ASCC3: variants seen among roughly 807,000 people sequenced by gnomAD.
The protein encoded by ASCC3 is activating signal cointegrator 1 complex subunit 3.
Under a neutral mutation model 256.3 loss-of-function variants are expected in ASCC3, and 158 were observed. The observed-to-expected ratio is 0.62, with a 90% confidence interval of 0.54 to 0.70. The LOEUF is 0.70. ASCC3 is among the 30% of genes least tolerant of loss of function. ASCC3 has a pLI of 0.00. For missense variants in ASCC3, 2,259 were observed against 2,626.0 expected, an observed-to-expected ratio of 0.86 and a Z score of 3.05; for synonymous variants, 948 against 883.4, an observed-to-expected ratio of 1.07 and a Z score of -1.30.
chr6:100,649,034 A>G (rs1775529008), intron 20 of ASCC3, among the ~76,000 whole-genome samples: 1 of 151,840 alleles, frequency 6.6e-6, no homozygotes, highest in Non-Finnish European at 1.5e-5. Flanking sequence ...CAGAGTTGAG[A>G]GAGTAGTTGT....
chr6:100,587,548 C>T (rs1771763936), intron 36 of ASCC3, among the ~76,000 whole-genome samples: 1 of 152,154 alleles, frequency 6.6e-6, no homozygotes, highest in African/African-American at 2.4e-5. Context: ...ATAATACAGA[C>T]TGAGACAATA....
In ASCC3 at chr6:100,639,644, C is replaced by T. The variant is rs1318770314; in HGVS notation, c.3902-823G>A. Among the ~76,000 whole-genome samples, 5 of 152,256 alleles carry T rather than the reference C, an allele frequency of 3.3e-5. No homozygotes were observed. The East Asian group carries it at 9.6e-4, about 29-fold the overall frequency. On this transcript the variant is annotated intron_variant, in intron 24 of 41. Transcript: ENST00000369162. The stretch of plus-strand genomic sequence containing the variant: ...TACCTTGAGTTAGATGTTCATGGTA[C>T]TGTTTCAAAATGAAAGTATGGCAAA...
chr6:100,598,813 C>A (rs986307048), intron 34 of ASCC3, among the ~76,000 whole-genome samples: 8 of 152,124 alleles, frequency 5.3e-5, no homozygotes, highest in Non-Finnish European at 1.0e-4. Context: ...CTAGTTCCCA[C>A]CCCCTATATA....
chr6:100,650,853 C>A, intron 19 of ASCC3, 139 bp from the exon 20 acceptor site: 1 of 719,104 alleles, frequency 1.4e-6, no homozygotes, highest in Non-Finnish European at 2.3e-6. Context: ...AGTTAAATAA[C>A]AATGATTTTT....
At chr6:100,796,464 C>A (rs954721452) in intron 8 of ASCC3, among the ~76,000 whole-genome samples, 1 of 152,242 alleles carries the variant, frequency 6.6e-6, no homozygotes, top group East Asian at 1.9e-4. Flanking sequence ...GAAGCCCTTA[C>A]CCCTCAATGT....
At chr6:100,557,669 T>C (rs1452239967) in intron 36 of ASCC3, among the ~76,000 whole-genome samples, 2 of 131,318 alleles carry the variant, frequency 1.5e-5, no homozygotes, top group Non-Finnish European at 3.1e-5. Flanking sequence ...AAATATAAAA[T>C]GTGCCCCTTC....
intron 14 of ASCC3, among the ~76,000 whole-genome samples, chr6:100,673,748 T>A (rs935647468): frequency 1.3e-5 from 2 of 152,170 alleles, no homozygotes; most frequent in African/African-American, 2.4e-5. Context: ...TCACACAACT[T>A]GACTCTTCAA....
At chr6:100,729,920 C>T (rs570545373) in intron 10 of ASCC3, among the ~76,000 whole-genome samples, 1 of 152,116 alleles carries the variant, frequency 6.6e-6, no homozygotes, top group Admixed American at 6.6e-5. Flanking sequence ...AAAACATAGC[C>T]ACTAAAATAC....
intron 4 of ASCC3, among the ~76,000 whole-genome samples, chr6:100,842,910 G>A (rs1772214470): frequency 6.6e-6 from 1 of 152,066 alleles, no homozygotes; most frequent in Non-Finnish European, 1.5e-5. Flanking sequence ...AGGAGTTACA[G>A]GTTATAGTAA....
At chr6:100,728,491 T>C (rs915363053) in intron 10 of ASCC3, among the ~76,000 whole-genome samples, 14 of 152,182 alleles carry the variant, frequency 9.2e-5, no homozygotes, top group Non-Finnish European at 1.9e-4. Context: ...CATTTCCTAA[T>C]ATACTATATA....
chr6:100,861,616 T>C (rs1360606436), intron 3 of ASCC3, among the ~76,000 whole-genome samples: 3 of 152,150 alleles, frequency 2.0e-5, no homozygotes, highest in African/African-American at 7.2e-5. Context: ...CTAATAGTTA[T>C]TCAACTGAAG....
In ASCC3 at chr6:100,508,938, C is replaced by T. The variant is rs995513246; in HGVS notation, c.*448G>A. 46 of 174,386 alleles carry T rather than the reference C, an allele frequency of 2.6e-4. No homozygotes were observed. The highest frequency in any genetic ancestry group is 2.3e-3 in the Admixed American group (41 of 17,694). The allele number at this position is 174,386 out of a possible 1,614,324, so 10.8% of individuals were successfully genotyped here. ...GTATAAATTTTGCTAACAAGACACG[C>T]TGTGTACCACCTTACAGATTTATAG... On this transcript the variant is annotated 3_prime_UTR_variant, in exon 42 of 42. Transcript: ENST00000369162.
At chr6:100,718,648 G>A (rs573540671) in intron 11 of ASCC3, among the ~76,000 whole-genome samples, 1 of 151,922 alleles carries the variant, frequency 6.6e-6, no homozygotes, top group Non-Finnish European at 1.5e-5. Context: ...TAGTCCCAAC[G>A]ACTCAGGAGG....
intron 36 of ASCC3, among the ~76,000 whole-genome samples, chr6:100,557,336 T>A (rs1769647109): frequency 6.6e-6 from 1 of 152,156 alleles, no homozygotes; most frequent in Non-Finnish European, 1.5e-5. Context: ...TACTGTTATG[T>A]TGTGCTTTTA....
chr6:100,592,647 G>A (rs375343313), intron 34 of ASCC3, among the ~76,000 whole-genome samples: 42 of 152,088 alleles, frequency 2.8e-4, no homozygotes, highest in Middle Eastern at 3.4e-3. Context: ...GCATAATACA[G>A]CCTTTACTTC....
chr6:100,626,356 T>G (rs2114856116), intron 29 of ASCC3, among the ~76,000 whole-genome samples: 1 of 152,202 alleles, frequency 6.6e-6, no homozygotes, highest in South Asian at 2.1e-4. Context: ...ACAAGGTTTA[T>G]AATGGAAATG....
intron 36 of ASCC3, among the ~76,000 whole-genome samples, chr6:100,544,200 A>C (rs185952102): frequency 3.3e-5 from 5 of 152,266 alleles, no homozygotes; most frequent in Admixed American, 3.3e-4. Flanking sequence ...AAAACTAAAC[A>C]TCTATATTAG....
chr6:100,794,145 C>A (rs977732697), intron 8 of ASCC3, among the ~76,000 whole-genome samples: 3 of 152,038 alleles, frequency 2.0e-5, no homozygotes, highest in Non-Finnish European at 2.9e-5. Flanking sequence ...CTACTCTAGA[C>A]CTTCAACTTT....
intron 3 of ASCC3, chr6:100,859,084 T>C: frequency 1.3e-6 from 1 of 778,848 alleles, no homozygotes. Flanking sequence ...CTATTTCTTC[T>C]TTTGTCCATT....
Sources: allele counts gnomAD v4.1 joint callset (sites outside exome capture counted in the v4.1 genomes callset), GRCh38; gene constraint gnomAD v4.1.1; transcripts MANE v1.5; gene names NCBI Gene and HGNC (gene_info 2026-07-23, HGNC 2026-07-21).